Variants in SKAP1 observed in about 807,000 individuals in gnomAD.
SKAP1 encodes src kinase associated phosphoprotein 1.
In SKAP1, 44 loss-of-function variants were observed where a neutral mutation model predicts 58.5. That is an observed-to-expected ratio of 0.75 (90% CI 0.59 to 0.97). The LOEUF is 0.97. Ranked by LOEUF, SKAP1 falls within the 50% of genes least tolerant of loss-of-function variation. SKAP1 has a pLI of 0.00. For synonymous variants in SKAP1, 127 were observed against 149.7 expected (o/e 0.85, Z 1.11); for missense variants, 390 against 435.2 (o/e 0.90, Z 0.92).
At chr17:48,380,234 C>G (rs888903673) in intron 2 of SKAP1, 6 of 152,212 alleles carry the variant, frequency 3.9e-5, no homozygotes, top group Admixed American at 3.9e-4. Flanking sequence ...TTGAGGGATT[C>G]TCCAGCATCA....
chr17:48,312,638 C>T (rs1040754684), intron 4 of SKAP1, among the ~76,000 whole-genome samples: 2 of 152,104 alleles, frequency 1.3e-5, no homozygotes, highest in African/African-American at 2.4e-5. Flanking sequence ...AGAGAATAGA[C>T]CCTTTGTTTC....
chr17:48,147,784 CAG>C (rs1440129052), intron 11 of SKAP1, among the ~76,000 whole-genome samples: 2 of 152,152 alleles, frequency 1.3e-5, no homozygotes, highest in East Asian at 1.9e-4. Context: ...TTCCATTATT[CAG>C]AGTTTTGGTC....
At chr17:48,378,824 A>G (rs539703461) in intron 2 of SKAP1, among the ~76,000 whole-genome samples, 4 of 152,302 alleles carry the variant, frequency 2.6e-5, no homozygotes, top group African/African-American at 9.6e-5. Flanking sequence ...AATGTTTGCT[A>G]AATCAGCGAA....
At chr17:48,239,856 G>C (rs545364949) in intron 4 of SKAP1, among the ~76,000 whole-genome samples, 5 of 151,576 alleles carry the variant, frequency 3.3e-5, no homozygotes, top group East Asian at 1.9e-4. Context: ...GAGACAGAGA[G>C]AGAGAGAGAG....
intron 4 of SKAP1, among the ~76,000 whole-genome samples, chr17:48,293,041 G>T (rs956644449): frequency 3.3e-5 from 5 of 152,002 alleles, no homozygotes; most frequent in African/African-American, 1.2e-4. Flanking sequence ...TTAATTAAAG[G>T]CTCAAACTTA....
chr17:48,263,731 C>T (rs1184980993), intron 4 of SKAP1, among the ~76,000 whole-genome samples: 1 of 152,236 alleles, frequency 6.6e-6, no homozygotes, highest in East Asian at 1.9e-4. Context: ...CAACAAGAGG[C>T]GGTGAACTCC....
chr17:48,402,745 T>G (rs181534613), intron 1 of SKAP1, among the ~76,000 whole-genome samples: 96 of 152,246 alleles, frequency 6.3e-4, no homozygotes, highest in Non-Finnish European at 1.2e-3. Flanking sequence ...TAAAAGGAAA[T>G]GAAATGCTGA....
At chr17:48,430,655 G>C (rs187828105), upstream of SKAP1, among the ~76,000 whole-genome samples, 2 of 152,148 alleles carry the variant, frequency 1.3e-5, no homozygotes, top group Non-Finnish European at 2.9e-5. Context: ...GCAAAACTTC[G>C]CTCTTTGGGA....
chr17:48,158,726 C>T (rs1334077862), intron 11 of SKAP1, among the ~76,000 whole-genome samples: 1 of 151,624 alleles, frequency 6.6e-6, no homozygotes, highest in Non-Finnish European at 1.5e-5. Flanking sequence ...TTTGGGAGGC[C>T]GAGGCGGGCG....
At chr17:48,422,742 T>G (rs948511816) in intron 1 of SKAP1, among the ~76,000 whole-genome samples, 10 of 152,140 alleles carry the variant, frequency 6.6e-5, no homozygotes, top group Non-Finnish European at 1.3e-4. Context: ...AGAACAGAAA[T>G]GTTTAGAAAA....
At chr17:48,260,154 A>C (rs1432932716) in intron 4 of SKAP1, among the ~76,000 whole-genome samples, 1 of 152,156 alleles carries the variant, frequency 6.6e-6, no homozygotes. Context: ...GTGTTGGACA[A>C]TTGTTTCCCA....
At chr17:48,313,002 T>G (rs529610532) in intron 4 of SKAP1, among the ~76,000 whole-genome samples, 1 of 152,214 alleles carries the variant, frequency 6.6e-6, no homozygotes, top group African/African-American at 2.4e-5. Flanking sequence ...AAATGCTCCA[T>G]TAAGGAGGTA....
At chr17:48,213,638 G>C (rs1057184651) in intron 4 of SKAP1, among the ~76,000 whole-genome samples, 1 of 152,084 alleles carries the variant, frequency 6.6e-6, no homozygotes, top group African/African-American at 2.4e-5. Context: ...GCTGATCTGG[G>C]TCACCACATT....
At chr17:48,232,556 A>G (rs1330200392) in intron 4 of SKAP1, among the ~76,000 whole-genome samples, 2 of 152,190 alleles carry the variant, frequency 1.3e-5, no homozygotes, top group Non-Finnish European at 2.9e-5. Flanking sequence ...GTCAGCCTTT[A>G]CCCAAATATT....
intron 2 of SKAP1, among the ~76,000 whole-genome samples, chr17:48,374,808 A>T (rs774025512): frequency 1.3e-5 from 2 of 152,214 alleles, no homozygotes; most frequent in African/African-American, 2.4e-5. Flanking sequence ...GGCCAGTGAC[A>T]CCCAACAACA....
intron 4 of SKAP1, among the ~76,000 whole-genome samples, chr17:48,291,583 T>C (rs1340303762): frequency 1.3e-5 from 2 of 152,192 alleles, no homozygotes; most frequent in Non-Finnish European, 2.9e-5. Flanking sequence ...GCCACACTTG[T>C]GTTTGAGGTG....
At chr17:48,232,266 T>G (rs1201664123) in intron 4 of SKAP1, among the ~76,000 whole-genome samples, 2 of 152,254 alleles carry the variant, frequency 1.3e-5, no homozygotes, top group Non-Finnish European at 2.9e-5. Context: ...TTTAGACTTC[T>G]TTCCATCTGG....
chr17:48,205,006 T>C (rs1316439589), intron 4 of SKAP1, among the ~76,000 whole-genome samples: 1 of 29,344 alleles, frequency 3.4e-5, no homozygotes, highest in African/African-American at 1.6e-4. Context: ...TCTTTCTTTC[T>C]TTCTTTCTTT....
intron 4 of SKAP1, among the ~76,000 whole-genome samples, chr17:48,291,090 G>C (rs532774415): frequency 6.6e-6 from 1 of 152,284 alleles, no homozygotes; most frequent in East Asian, 1.9e-4. Flanking sequence ...CTGCACTCCA[G>C]CCTGGGTGAC....
Sources: gnomAD v4.1 joint callset for allele counts (sites outside exome capture counted in the v4.1 genomes callset) on GRCh38, gnomAD v4.1.1 for gene constraint, MANE v1.5 for transcripts, NCBI Gene and HGNC (gene_info 2026-07-23, HGNC 2026-07-21) for gene names.